The following RGS22 variants were observed in gnomAD, a reference collection of about 807,000 sequenced individuals.
RGS22 encodes regulator of G protein signaling 22.
In RGS22, 148 loss-of-function variants were observed where a neutral mutation model predicts 172.9. The ratio of observed to expected loss-of-function variants is 0.86; its 90% confidence interval spans 0.75 to 0.98. The LOEUF is 0.98. Among genes scored for constraint, RGS22 ranks in the 50% least tolerant of loss-of-function variants. The pLI, the probability that RGS22 is intolerant of heterozygous loss-of-function variation, is 0.00. For synonymous variants in RGS22, 458 were observed against 480.2 expected (o/e 0.95, Z 0.60); for missense variants, 1,347 against 1,440.8 (o/e 0.93, Z 1.05).
At chr8:99,988,686 G>A (rs1019316545) in intron 20 of RGS22, among the ~76,000 whole-genome samples, 12 of 152,178 alleles carry the variant, frequency 7.9e-5, no homozygotes, top group Non-Finnish European at 1.8e-4. Flanking sequence ...TCTGCCTGGA[G>A]GAGTAAAACC....
At position 100,062,793 on chromosome 8, in the gene RGS22, G is replaced by T. The variant is rs776202921; in HGVS notation, c.1353-41C>A. The T allele has an allele frequency of 4.1e-6, 6 of 1,474,314 alleles. No homozygotes were observed. In the Admixed American group the frequency reaches 1.1e-4, roughly 26 times the overall value. 91.3% of individuals were successfully genotyped at this position (1,474,314 alleles called of 1,614,324 possible). ...TTTCCATATATACACACACACATTG[G>T]TAGAATATTCAACTACCAAAATGTA... On this transcript the variant is annotated intron_variant, in intron 8 of 27. Transcript: ENST00000360863.
intron 11 of RGS22, among the ~76,000 whole-genome samples, chr8:100,047,110 T>C (rs371999994): frequency 1.4e-4 from 21 of 152,298 alleles, no homozygotes; most frequent in African/African-American, 4.8e-4. Context: ...CCACCGTGTC[T>C]GGTCAGTAAC....
At chr8:100,053,688 T>C (rs567549548) in intron 9 of RGS22, among the ~76,000 whole-genome samples, 220 of 152,262 alleles carry the variant, frequency 1.4e-3, no homozygotes, top group African/African-American at 5.1e-3. Context: ...CAGGCTGGAA[T>C]GCAGTGGTGC....
At chr8:99,983,151 C>G (rs1489488219) in intron 21 of RGS22, among the ~76,000 whole-genome samples, 1 of 152,150 alleles carries the variant, frequency 6.6e-6, no homozygotes, top group Non-Finnish European at 1.5e-5. Context: ...TTTTTTATGG[C>G]TATGTAGTCT....
At chr8:100,094,435 A>G (rs11780823) in intron 2 of RGS22, among the ~76,000 whole-genome samples, 21,936 of 152,180 alleles carry the variant, frequency 0.14, 1,636 homozygotes, top group Middle Eastern at 0.22. Context: ...TCAGGAAGAC[A>G]CTATAGCATA....
intron 27 of RGS22, among the ~76,000 whole-genome samples, chr8:99,961,710 G>C (rs1162958819): frequency 1.3e-5 from 2 of 152,108 alleles, no homozygotes; most frequent in Non-Finnish European, 2.9e-5. Context: ...GCAAATGTTA[G>C]GGAGACTATG....
chr8:99,978,043 C>A lies in RGS22; in HGVS notation c.3393G>T (p.Trp1131Cys). The change falls in exon 23 of 28, where the codon TGG (tryptophan) becomes TGT (cysteine). Residue 1131 changes from tryptophan (W) to cysteine (C), a missense_variant. Coordinates refer to ENST00000360863, the MANE Select transcript of RGS22 (RefSeq NM_015668.5). ...MTIFGVLFKF[W>C]PQFCEFRKNL... ...TCTTCCTAAACTCACAGAACTGAGG[C>A]CAGAATTTAAACAGAACCCCAAAAA... The A allele has an allele frequency of 6.6e-7, 1 of 1,525,986 alleles. No individual in the cohort carries two copies. The highest frequency in any genetic ancestry group is 1.3e-5 in the South Asian group (1 of 74,602). The allele number at this position is 1,525,986 out of a possible 1,614,324, so 94.5% of individuals were successfully genotyped here.
At chr8:100,099,936 C>T (rs1479681414) in intron 2 of RGS22, among the ~76,000 whole-genome samples, 2 of 152,172 alleles carry the variant, frequency 1.3e-5, no homozygotes, top group Admixed American at 1.3e-4. Context: ...TAGGCTCTCA[C>T]TGTTCATTTA....
intron 11 of RGS22, among the ~76,000 whole-genome samples, chr8:100,042,430 A>G (rs1024483507): frequency 6.6e-6 from 1 of 152,188 alleles, no homozygotes; most frequent in African/African-American, 2.4e-5. Context: ...AACATTATAT[A>G]CTACATACCA....
chr8:100,010,147 C>CA (rs1259241032), intron 14 of RGS22, among the ~76,000 whole-genome samples: 1 of 152,034 alleles, frequency 6.6e-6, no homozygotes, highest in Non-Finnish European at 1.5e-5. Flanking sequence ...TGGATGTCTA[C>CA]ACTACCCCAC....
rs754877969 is a variant in RGS22 at position 100,063,675 on chromosome 8, A to C, written c.1093T>G (p.Phe365Val). ...GTAGTTTGAACTAATTCACTTAAAA[A>C]ATTCTTGCCATGAATAGACTCAAAA... ...DCFESIHGKN[F>V]LSELVQTTKE... Residue 365 changes from phenylalanine to valine, a missense_variant, in exon 8 of 28, where the codon TTT (phenylalanine) becomes GTT (valine). By Grantham distance (50) the Phe-to-Val change is conservative. Coordinates refer to ENST00000360863, the MANE Select transcript of RGS22 (RefSeq NM_015668.5). The C allele has an allele frequency of 1.2e-5, 20 of 1,613,910 alleles. No individual in the cohort carries two copies. Among genetic ancestry groups the C allele is most frequent in the Non-Finnish European group, 1.7e-5 (20 of 1,179,980 alleles).
intron 27 of RGS22, among the ~76,000 whole-genome samples, chr8:99,961,597 C>G: frequency 6.6e-6 from 1 of 152,154 alleles, no homozygotes; most frequent in East Asian, 1.9e-4. Context: ...TCAATTAAAC[C>G]TCTTTCCTTT....
chr8:100,051,462 A>ACATG (rs1176055601), intron 10 of RGS22, among the ~76,000 whole-genome samples: 3 of 109,216 alleles, frequency 2.7e-5, no homozygotes, highest in African/African-American at 1.0e-4. Context: ...TATATTATAT[A>ACATG]TAAATATATA....
intron 22 of RGS22, among the ~76,000 whole-genome samples, chr8:99,978,891 AG>A (rs1812254712): frequency 6.6e-6 from 1 of 152,210 alleles, no homozygotes; most frequent in Non-Finnish European, 1.5e-5. Flanking sequence ...GCCAACTCAT[AG>A]GGGAAAAGAG....
At chr8:100,037,701 T>C (rs988351955) in intron 14 of RGS22, among the ~76,000 whole-genome samples, 2 of 152,138 alleles carry the variant, frequency 1.3e-5, no homozygotes, top group Non-Finnish European at 2.9e-5. Flanking sequence ...TTTGTAGTAG[T>C]GAAAACATAA....
chr8:100,014,213 C>T (rs775809015), intron 14 of RGS22, among the ~76,000 whole-genome samples: 1 of 152,216 alleles, frequency 6.6e-6, no homozygotes, highest in African/African-American at 2.4e-5. Context: ...GTGTGCTCGA[C>T]CATGTTCCTC....
intron 11 of RGS22, among the ~76,000 whole-genome samples, chr8:100,045,663 A>C (rs1026933104): frequency 2.2e-4 from 34 of 151,878 alleles, no homozygotes; most frequent in African/African-American, 7.2e-4. Context: ...AGCAAAATTT[A>C]AAAAGCACAT....
chr8:99,979,257 A>G (rs1221894588), intron 22 of RGS22, among the ~76,000 whole-genome samples: 2 of 152,152 alleles, frequency 1.3e-5, no homozygotes. Flanking sequence ...TATCTTTCTA[A>G]AACCTGAGTC....
At chr8:100,052,092 T>C in intron 10 of RGS22, among the ~76,000 whole-genome samples, 1 of 67,652 alleles carries the variant, frequency 1.5e-5, no homozygotes, top group African/African-American at 5.2e-5. Flanking sequence ...TATATATTTA[T>C]ATATTTATAT....
Sources: allele counts gnomAD v4.1 joint callset (sites outside exome capture counted in the v4.1 genomes callset), GRCh38; gene constraint gnomAD v4.1.1; transcripts MANE v1.5; gene names NCBI Gene and HGNC (gene_info 2026-07-23, HGNC 2026-07-21).